PLEKHA5: variants seen among roughly 807,000 people sequenced by gnomAD.
PLEKHA5 encodes the protein pleckstrin homology domain containing A5.
PLEKHA5 carries 55 observed loss-of-function variants against 181.9 expected under a neutral mutation model. The observed-to-expected ratio is 0.30, with a 90% CI of 0.24 to 0.38. The LOEUF (loss-of-function observed/expected upper bound fraction) is 0.38. PLEKHA5 is among the 10% of genes least tolerant of loss of function. The probability of loss-of-function intolerance (pLI) is 1.00; values close to 1 mark genes in which losing one functional copy is unlikely to be tolerated. For synonymous variants in PLEKHA5, 535 were observed against 529.4 expected (o/e 1.01, Z -0.15); for missense variants, 1,432 against 1,549.5 (o/e 0.92, Z 1.27).
At chr12:19,199,978 A>G (rs977939714) in intron 3 of PLEKHA5, among the ~76,000 whole-genome samples, 4 of 152,116 alleles carry the variant, frequency 2.6e-5, no homozygotes, top group Admixed American at 6.6e-5. Flanking sequence ...TGATGACAGT[A>G]TAGGGGGAAG....
rs144736687 is a variant in PLEKHA5, at chr12:19,344,038, G to A, written c.2662+604G>A. On this transcript the variant is annotated intron_variant, in intron 22 of 31. Coordinates refer to ENST00000429027, the MANE Select transcript of PLEKHA5 (RefSeq NM_001256470.2). ...GTGTGCTCCAGCATGGGCAGCAGAG[G>A]GAAACTGTCCCAAAAAAAAAAAAAA... 3.7e-4 allele frequency among the ~76,000 whole-genome samples: 54 copies of A among 146,672 alleles called. No individual in the cohort carries two copies. In the East Asian group the frequency reaches 0.01, roughly 28 times the overall value.
At chr12:19,344,650 AATGCCCTCCTGAAGGATTATT>A (rs1253225667) in intron 22 of PLEKHA5, among the ~76,000 whole-genome samples, 1 of 152,196 alleles carries the variant, frequency 6.6e-6, no homozygotes, top group Non-Finnish European at 1.5e-5. Flanking sequence ...CTGCGGCCAA[AATGCCCTCCTGAAGGATTATT>A]TCACATTATG....
chr12:19,220,406 C>T (rs1411259746), intron 3 of PLEKHA5, among the ~76,000 whole-genome samples: 1 of 152,040 alleles, frequency 6.6e-6, no homozygotes, highest in Non-Finnish European at 1.5e-5. Context: ...TTAAGTTTGA[C>T]AGAGGTATGA....
rs3056386 is a variant in PLEKHA5, at chr12:19,195,672, C to CAA, written c.228-58245_228-58244dup. 1.5e-3 allele frequency among the ~76,000 whole-genome samples: 120 copies of CAA among 81,532 alleles called. 2 individuals are homozygous for CAA. Among genetic ancestry groups the CAA allele is most frequent in the East Asian group, 8.8e-3 (28 of 3,164 alleles). 53.5% of individuals were successfully genotyped at this position (81,532 alleles called of 152,430 possible). On this transcript the variant is annotated intron_variant, in intron 3 of 31. Coordinates refer to ENST00000429027, the MANE Select transcript of PLEKHA5 (RefSeq NM_001256470.2). ...TGGGTGAGAGAGAGAGACCCTGTCT[C>CAA]AAAAAAAAAAAAAAAAAAAAAAAAG...
intron 8 of PLEKHA5, among the ~76,000 whole-genome samples, chr12:19,267,711 C>A (rs4963553): frequency 0.85 from 127,646 of 149,442 alleles, 56,163 homozygotes; most frequent in Non-Finnish European, 0.97. Flanking sequence ...TGCCTGTAAT[C>A]CCAGCACTTT....
intron 3 of PLEKHA5, among the ~76,000 whole-genome samples, chr12:19,183,983 G>A (rs2049230920): frequency 6.6e-6 from 1 of 152,114 alleles, no homozygotes; most frequent in Admixed American, 6.6e-5. Context: ...CCAAAGTGCT[G>A]GGATTACAGG....
chr12:19,131,520 T>C (rs1169156733), intron 2 of PLEKHA5, among the ~76,000 whole-genome samples: 6 of 152,182 alleles, frequency 3.9e-5, no homozygotes, highest in African/African-American at 1.4e-4. Context: ...TGGATAATGA[T>C]AGATTTATTT....
chr12:19,327,082 G>A (rs1419756969), intron 20 of PLEKHA5, among the ~76,000 whole-genome samples: 1 of 152,066 alleles, frequency 6.6e-6, no homozygotes, highest in Non-Finnish European at 1.5e-5. Context: ...ATATACTTTT[G>A]GATATATACC....
intron 3 of PLEKHA5, among the ~76,000 whole-genome samples, chr12:19,250,342 TGGGAGGCCAAGGC>T (rs945480806): frequency 1.3e-5 from 2 of 152,190 alleles, no homozygotes; most frequent in African/African-American, 4.8e-5. Context: ...CCCGGCACTT[TGGGAGGCCAAGGC>T]GGGTGGATCG....
At chr12:19,296,486 T>C (rs1036066482) in intron 15 of PLEKHA5, among the ~76,000 whole-genome samples, 1 of 151,274 alleles carries the variant, frequency 6.6e-6, no homozygotes. Context: ...AAGCAGAGGT[T>C]GCAGTGAGCC....
chr12:19,257,521 G>A lies in PLEKHA5; in HGVS notation c.521G>A (p.Gly174Asp). 1 of 1,586,528 alleles carries A rather than the reference G, an allele frequency of 6.3e-7. No individual in the cohort carries two copies. The highest frequency in any genetic ancestry group is 8.6e-7 in the Non-Finnish European group (1 of 1,164,488). ...CCTAATGCACCGGTTGTCAGACGAG[G>A]TTGGCTTTATAAACAGGTATTTTTT... ...RNPNAPVVRR[G>D]WLYKQDSTGM... The change falls in exon 6 of 32, where the codon GGT becomes GAT. Residue 174 changes from glycine to aspartate, a missense_variant. This residue lies in a region of PLEKHA5 where 289 missense variants were observed against 381.1 expected (regional missense o/e 0.76). Transcript: ENST00000429027.
intron 20 of PLEKHA5, 92 bp from the exon 21 acceptor site, chr12:19,336,421 ATG>A (rs2093429979): frequency 1.4e-6 from 1 of 691,694 alleles, no homozygotes; most frequent in Non-Finnish European, 2.5e-6. Context: ...TATAAACTAT[ATG>A]ACTTTCTAAA....
At chr12:19,212,839 T>G (rs527966983) in intron 3 of PLEKHA5, among the ~76,000 whole-genome samples, 14,682 of 150,054 alleles carry the variant, frequency 0.098, 1,009 homozygotes, top group African/African-American at 0.19. Flanking sequence ...TTTGTTGTTT[T>G]TTTTTTTTTT....
chr12:19,310,691 C>G (rs860145), intron 15 of PLEKHA5, among the ~76,000 whole-genome samples: 3 of 151,580 alleles, frequency 2.0e-5, no homozygotes, highest in South Asian at 2.1e-4. Flanking sequence ...CCAAGGCGGG[C>G]GGATTGCTTT....
chr12:19,297,758 T>A (rs889749662), intron 15 of PLEKHA5, among the ~76,000 whole-genome samples: 4 of 151,636 alleles, frequency 2.6e-5, no homozygotes, highest in East Asian at 1.9e-4. Context: ...TTATTATTTT[T>A]TTTTTTTTTT....
At chr12:19,251,739 CAA>C (rs374276545) in intron 3 of PLEKHA5, among the ~76,000 whole-genome samples, 5 of 65,610 alleles carry the variant, frequency 7.6e-5, no homozygotes, top group Non-Finnish European at 1.1e-4. Flanking sequence ...GAGGCCCATC[CAA>C]AAAAAAAAAA....
At chr12:19,340,987 G>A (rs931104993) in intron 21 of PLEKHA5, among the ~76,000 whole-genome samples, 3 of 150,258 alleles carry the variant, frequency 2.0e-5, no homozygotes, top group Non-Finnish European at 4.4e-5. Flanking sequence ...ATAGTTCAAA[G>A]TTGGCTGGGC....
At chr12:19,265,940 C>T (rs7316780) in intron 8 of PLEKHA5, 90 bp downstream of exon 8, 572,565 of 632,644 alleles carry the variant, frequency 0.91, 263,777 homozygotes, top group Middle Eastern at 0.97. Flanking sequence ...AAAAAAGCTA[C>T]CTTATAGTGA....
intron 16 of PLEKHA5, among the ~76,000 whole-genome samples, chr12:19,317,788 A>G (rs1225192782): frequency 6.6e-6 from 1 of 152,120 alleles, no homozygotes; most frequent in East Asian, 1.9e-4. Context: ...TGTAGTTAAT[A>G]AAATCCATAT....
Sources: gnomAD v4.1 joint callset for allele counts (sites outside exome capture counted in the v4.1 genomes callset) on GRCh38, gnomAD v4.1.1 for gene constraint, gnomAD v4.1.1 regional missense constraint, MANE v1.5 for transcripts, NCBI Gene and HGNC (gene_info 2026-07-23, HGNC 2026-07-21) for gene names.